The following TMEM217B variants were observed in gnomAD, a reference collection of about 807,000 sequenced individuals.
TMEM217B encodes putative transmembrane protein 217B.
At chr6:37,252,123 C>G in the TMEM217B span, among the ~76,000 whole-genome samples, 1 of 152,198 alleles carries the variant, frequency 6.6e-6, no homozygotes, top group African/African-American at 2.4e-5. Flanking sequence ...GAACTCCTGA[C>G]CTCAGGTGAT....
the TMEM217B span, among the ~76,000 whole-genome samples, chr6:37,231,120 C>T: frequency 6.6e-6 from 1 of 151,798 alleles, no homozygotes; most frequent in African/African-American, 2.4e-5. Context: ...AGTGCAGGCG[C>T]ATGATCTCTG....
the TMEM217B span, among the ~76,000 whole-genome samples, chr6:37,227,508 G>A: frequency 1.3e-5 from 2 of 152,002 alleles, no homozygotes; most frequent in Non-Finnish European, 2.9e-5. Context: ...GTGTAGTGGC[G>A]CGATCTTGGC....
chr6:37,213,336 G>A, the TMEM217B span, among the ~76,000 whole-genome samples: 1 of 152,234 alleles, frequency 6.6e-6, no homozygotes, highest in African/African-American at 2.4e-5. Context: ...TGAGGATAAC[G>A]ATGGTATGAA....
At chr6:37,215,079 G>A in the TMEM217B span, 3 of 1,352,110 alleles carry the variant, frequency 2.2e-6, no homozygotes, top group Non-Finnish European at 3.0e-6. Context: ...CAGCTCTGCT[G>A]CCCCAGCCTT....
At chr6:37,249,293 T>C in the TMEM217B span, among the ~76,000 whole-genome samples, 1 of 152,052 alleles carries the variant, frequency 6.6e-6, no homozygotes, top group Admixed American at 6.6e-5. Context: ...GAAATGAATA[T>C]TTCTTTTCAT....
the TMEM217B span, among the ~76,000 whole-genome samples, chr6:37,221,639 G>A: frequency 6.6e-6 from 1 of 152,160 alleles, no homozygotes; most frequent in Admixed American, 6.6e-5. Context: ...GAAGAAACAG[G>A]AAACCATAGA....
chr6:37,226,258 TTA>T, the TMEM217B span, among the ~76,000 whole-genome samples: 1 of 150,148 alleles, frequency 6.7e-6, no homozygotes, highest in Non-Finnish European at 1.5e-5. Context: ...TTGTTTTGTT[TTA>T]TTTTGTTTTT....
the TMEM217B span, among the ~76,000 whole-genome samples, chr6:37,214,264 G>A: frequency 9.1e-4 from 139 of 151,966 alleles, 3 homozygotes; most frequent in East Asian, 0.021. Context: ...GTCTTGCTCT[G>A]TCACCCAGGC....
the TMEM217B span, among the ~76,000 whole-genome samples, chr6:37,225,109 A>G: frequency 6.6e-6 from 1 of 152,040 alleles, no homozygotes; most frequent in Admixed American, 6.6e-5. Context: ...CTGAGGTATG[A>G]GAATCACTTG....
At chr6:37,215,121 C>A in the TMEM217B span, 1 of 1,575,722 alleles carries the variant, frequency 6.3e-7, no homozygotes, top group South Asian at 1.2e-5. Context: ...TCTCTTGGGT[C>A]ACTATAATAA....
the TMEM217B span, among the ~76,000 whole-genome samples, chr6:37,229,349 T>TTGTTTG: frequency 6.7e-5 from 9 of 134,792 alleles, no homozygotes; most frequent in Non-Finnish European, 1.4e-4. Context: ...TTTTTTTTTT[T>TTGTTTG]TTTTTTTTTT....
At chr6:37,236,270 G>A in the TMEM217B span, among the ~76,000 whole-genome samples, 730 of 152,276 alleles carry the variant, frequency 4.8e-3, 7 homozygotes, top group Non-Finnish European at 8.1e-3. Context: ...TTACAGGCAT[G>A]AGCCACTGTG....
chr6:37,212,354 G>C, the TMEM217B span: 1 of 367,066 alleles, frequency 2.7e-6, no homozygotes, highest in Non-Finnish European at 5.4e-6. Flanking sequence ...AGGCAGGGTA[G>C]GGAGGGTTCC....
the TMEM217B span, among the ~76,000 whole-genome samples, chr6:37,250,499 T>C: frequency 6.6e-6 from 1 of 152,266 alleles, no homozygotes; most frequent in Non-Finnish European, 1.5e-5. Flanking sequence ...TGAGGATAAG[T>C]TGGAAAAGCC....
chr6:37,255,337 C>G, the TMEM217B span, among the ~76,000 whole-genome samples: 5 of 152,038 alleles, frequency 3.3e-5, no homozygotes, highest in Admixed American at 6.5e-5. Flanking sequence ...CAATGGGGGC[C>G]ATTGCAAAGT....
At chr6:37,251,821 G>A in the TMEM217B span, among the ~76,000 whole-genome samples, 1 of 152,056 alleles carries the variant, frequency 6.6e-6, no homozygotes, top group East Asian at 1.9e-4. Flanking sequence ...GCAGGAGATG[G>A]CAAATTACCA....
chr6:37,217,293 CAAAAAT>C, the TMEM217B span, among the ~76,000 whole-genome samples: 5 of 152,156 alleles, frequency 3.3e-5, no homozygotes, highest in African/African-American at 1.2e-4. Flanking sequence ...GACTCGGTCT[CAAAAAT>C]AAAAAATGTG....
chr6:37,234,289 G>C, the TMEM217B span, among the ~76,000 whole-genome samples: 2 of 151,878 alleles, frequency 1.3e-5, no homozygotes, highest in African/African-American at 2.4e-5. Flanking sequence ...TAGTCGAGGT[G>C]GGGTTTCTCC....
the TMEM217B span, chr6:37,212,777 G>A: frequency 1.6e-5 from 11 of 707,204 alleles, no homozygotes; most frequent in Admixed American, 1.0e-4. Flanking sequence ...ATGGTGGTGA[G>A]GGAGAGGCCA....
Sources: gnomAD v4.1 joint callset for allele counts (sites outside exome capture counted in the v4.1 genomes callset) on GRCh38, gnomAD v4.1.1 for gene constraint, MANE v1.5 for transcripts, NCBI Gene and HGNC (gene_info 2026-07-23, HGNC 2026-07-21) for gene names.